The following CRYGC variants were observed in gnomAD, a reference collection of about 807,000 sequenced individuals.
CRYGC encodes the protein gamma-crystallin C.
Under a neutral mutation model 21.9 loss-of-function variants are expected in CRYGC, and 14 were observed. The observed-to-expected ratio is 0.64, with a 90% CI of 0.42 to 1.00. The LOEUF (loss-of-function observed/expected upper bound fraction) is 1.00. Among genes scored for constraint, CRYGC ranks in the 50% least tolerant of loss-of-function variants. The pLI is 0.00. For synonymous variants in CRYGC, 96 were observed against 89.8 expected (o/e 1.07, Z -0.39); for missense variants, 235 against 234.2 (o/e 1.00, Z -0.02).
intron 1 of CRYGC, 21 bp from the exon 2 acceptor site, chr2:208,129,704 C>T (rs151203716): frequency 6.9e-5 from 111 of 1,614,174 alleles, no homozygotes; most frequent in East Asian, 3.6e-4. Context: ...AGAATCGTTC[C>T]GAATTACATT....
In CRYGC at chr2:208,129,433, A is replaced by G. The variant is rs1291433833; in HGVS notation, c.252+8T>C. On this transcript the variant is annotated splice_region_variant and intron_variant, in intron 2 of 2. Coordinates refer to ENST00000282141, the MANE Select transcript of CRYGC (RefSeq NM_020989.4). ...TCTGGCGGCATGATGGAAATCTAGA[A>G]AACTCACTTGGGGGATGAGACAACA... is the stretch of plus-strand genomic sequence containing the variant. 5 of 1,612,400 alleles carry G rather than the reference A, an allele frequency of 3.1e-6. No individual in the cohort carries two copies. Among genetic ancestry groups the G allele is most frequent in the Middle Eastern group, 4.1e-4 (2 of 4,932 alleles).
At chr2:208,129,073 C>A (rs1695048113) in intron 2 of CRYGC, among the ~76,000 whole-genome samples, 1 of 152,222 alleles carries the variant, frequency 6.6e-6, no homozygotes, top group Non-Finnish European at 1.5e-5. Context: ...TGGAATCTAT[C>A]TAATTCATTC....
chr2:208,129,251 G>T (rs1695052183), intron 2 of CRYGC, among the ~76,000 whole-genome samples, 190 bp downstream of exon 2: 1 of 152,160 alleles, frequency 6.6e-6, no homozygotes, highest in African/African-American at 2.4e-5. Flanking sequence ...AAGTAAAACG[G>T]ATTCTTCCTC....
At chr2:208,128,562 G>T (rs2105858252) in intron 2 of CRYGC, 87 bp from the exon 3 acceptor site, 1 of 1,495,744 alleles carries the variant, frequency 6.7e-7, no homozygotes, top group South Asian at 1.2e-5. Flanking sequence ...GAACTTGGTA[G>T]GTTGTGGCAT....
Position 208,128,259 on chromosome 2 carries a change from A to C in CRYGC, c.469T>G (p.Trp157Gly). 6.2e-7 allele frequency: 1 copy of C among 1,614,196 alleles called. No homozygotes were observed. Reference sequence around the variant, plus strand: ...CCTGCCTTAGCATCCATGGCCCCCCAGTCCTGGCACCGCCTGTACTCTTGG... The same window carrying C: ...CCTGCCTTAGCATCCATGGCCCCCCCGTCCTGGCACCGCCTGTACTCTTGG... ...RPQEYRRCQD[W>G]GAMDAKAGSL... The change falls in exon 3 of 3, where the codon TGG becomes GGG. Residue 157 changes from tryptophan to glycine, a missense_variant. Coordinates refer to ENST00000282141, the MANE Select transcript of CRYGC (RefSeq NM_020989.4).
chr2:208,128,429 C>G lies in CRYGC; in HGVS notation c.299G>C (p.Gly100Ala). 6.2e-7 allele frequency: 1 copy of G among 1,614,192 alleles called. No individual in the cohort carries two copies. Among genetic ancestry groups the G allele is most frequent in the Non-Finnish European group, 8.5e-7 (1 of 1,180,044 alleles). ...GTCTTCACTCAGCTCCATCATGAGGCCTTTGTGGTCTTCCCTCTCGTACAG... is the reference window on the plus strand; with the variant it reads ...GTCTTCACTCAGCTCCATCATGAGGGCTTTGTGGTCTTCCCTCTCGTACAG... ...LRLYEREDHK[G>A]LMMELSEDCP... is the part of the protein sequence containing the mutation. The change falls in exon 3 of 3, where the codon GGC (glycine) becomes GCC (alanine). Residue 100 changes from glycine to alanine, a missense_variant. Gly to Ala is a moderately conservative substitution (Grantham distance 60). Coordinates refer to ENST00000282141, the MANE Select transcript of CRYGC (RefSeq NM_020989.4).
rs1436990199 is a variant in CRYGC, at chr2:208,128,237, G to A, written c.491C>T (p.Ala164Val). The A allele has an allele frequency of 3.7e-6, 6 of 1,614,122 alleles. No individual in the cohort carries two copies. The highest frequency in any genetic ancestry group is 5.1e-6 in the Non-Finnish European group (6 of 1,180,054). ...ATCCACCACTCTCCGCAAAGAGCCTGCCTTAGCATCCATGGCCCCCCAGTC... is the reference window on the plus strand; with the variant it reads ...ATCCACCACTCTCCGCAAAGAGCCTACCTTAGCATCCATGGCCCCCCAGTC... Reference protein sequence around the residue: ...CQDWGAMDAKAGSLRRVVDLY With the variant: ...CQDWGAMDAKVGSLRRVVDLY The change falls in exon 3 of 3, where the codon GCA becomes GTA. Residue 164 changes from alanine to valine, a missense_variant. Transcript: ENST00000282141.
At chr2:208,128,524 C>A (rs747584196) in intron 2 of CRYGC, 49 bp from the exon 3 acceptor site, 1 of 1,610,534 alleles carries the variant, frequency 6.2e-7, no homozygotes, top group Non-Finnish European at 8.5e-7. Context: ...TGAGTCTCTT[C>A]CAGAATTTGT....
Position 208,128,435 on chromosome 2 carries a change from T to C in CRYGC, c.293A>G (p.His98Arg). The C allele has an allele frequency of 1.2e-6, 2 of 1,614,210 alleles. No individual in the cohort carries two copies. The highest frequency in any genetic ancestry group is 1.7e-6 in the Non-Finnish European group (2 of 1,180,038). ...HRLRLYERED[H>R]KGLMMELSED... The stretch of plus-strand genomic sequence containing the variant: ...ACTCAGCTCCATCATGAGGCCTTTG[T>C]GGTCTTCCCTCTCGTACAGCCGCAG... The change falls in exon 3 of 3, where the codon CAC (histidine) becomes CGC (arginine). Residue 98 changes from histidine (H) to arginine (R), a missense_variant. His to Arg is a conservative substitution (Grantham distance 29). Transcript: ENST00000282141.
chr2:208,129,483 C>T lies in CRYGC; in HGVS notation c.210G>A (p.Met70Ile), dbSNP rs1450078998. The T allele has an allele frequency of 6.2e-7, 1 of 1,613,950 alleles. No individual in the cohort carries two copies. The highest frequency in any genetic ancestry group is 2.2e-5 in the East Asian group (1 of 44,880). The change falls in exon 2 of 3, where the codon ATG becomes ATA. Residue 70 changes from methionine to isoleucine, a missense_variant. Coordinates refer to ENST00000282141, the MANE Select transcript of CRYGC (RefSeq NM_020989.4). Reference protein sequence around the residue: ...RGEYPDYQQWMGLSDSIRSCC... With the variant: ...RGEYPDYQQWIGLSDSIRSCC... ...AGGAGCGGATGGAGTCGCTGAGGCC[C>T]ATCCATTGCTGGTAGTCGGGGTACT... is the stretch of plus-strand genomic sequence containing the variant.
At chr2:208,129,277 T>G (rs1393736671) in intron 2 of CRYGC, among the ~76,000 whole-genome samples, 164 bp downstream of exon 2, 1 of 152,244 alleles carries the variant, frequency 6.6e-6, no homozygotes, top group Non-Finnish European at 1.5e-5. Flanking sequence ...GGGTTCTTCC[T>G]TACATTCTCT....
intron 2 of CRYGC, 91 bp from the exon 3 acceptor site, chr2:208,128,566 G>A: frequency 1.4e-6 from 2 of 1,465,088 alleles, no homozygotes; most frequent in Non-Finnish European, 1.9e-6. Context: ...TTGGTAGGTT[G>A]TGGCATGGAA....
At position 208,129,517 on chromosome 2, in the gene CRYGC, C is replaced by T. The variant is rs149880539; in HGVS notation, c.176G>A (p.Arg59Gln). Residue 59 changes from arginine (R) to glutamine (Q), a missense_variant, in exon 2 of 3, where the codon CGG (arginine) becomes CAG (glutamine). Transcript: ENST00000282141. ...PNYQGQQYLL[R>Q]RGEYPDYQQW... ...CTGGTAGTCGGGGTACTCCCCTCGC[C>T]GCAGCAAGTATTGTTGACCTTGGTA... 110 of 1,614,192 alleles carry T rather than the reference C, an allele frequency of 6.8e-5. No homozygotes were observed. The highest frequency in any genetic ancestry group is 3.5e-4 in the South Asian group (32 of 91,090).
intron 2 of CRYGC, among the ~76,000 whole-genome samples, chr2:208,128,989 C>T (rs1348199905): frequency 1.3e-5 from 2 of 152,134 alleles, no homozygotes; most frequent in African/African-American, 4.8e-5. Context: ...GAAAAATTAC[C>T]TTTTCCAAAG....
chr2:208,129,132 C>T (rs1184094773), intron 2 of CRYGC, among the ~76,000 whole-genome samples: 1 of 152,188 alleles, frequency 6.6e-6, no homozygotes, highest in Non-Finnish European at 1.5e-5. Flanking sequence ...AAAATACCGT[C>T]TTTTTATGCC....
At position 208,129,427 on chromosome 2, in the gene CRYGC, T is replaced by C. The variant is rs764296943; in HGVS notation, c.252+14A>G. On this transcript the variant is annotated intron_variant, in intron 2 of 2. Coordinates refer to ENST00000282141, the MANE Select transcript of CRYGC (RefSeq NM_020989.4). Reference sequence around the variant, plus strand: ...GGGGACTCTGGCGGCATGATGGAAATCTAGAAAACTCACTTGGGGGATGAG... The same window carrying C: ...GGGGACTCTGGCGGCATGATGGAAACCTAGAAAACTCACTTGGGGGATGAG... The C allele has an allele frequency of 2.9e-5, 46 of 1,611,956 alleles. No homozygotes were observed. In the East Asian group the frequency reaches 1.0e-3, roughly 36 times the overall value.
At chr2:208,129,034 T>C (rs1695046875) in intron 2 of CRYGC, among the ~76,000 whole-genome samples, 1 of 151,790 alleles carries the variant, frequency 6.6e-6, no homozygotes, top group African/African-American at 2.4e-5. Context: ...ATATTAACAA[T>C]ACAGCTTTGA....
Position 208,129,484 on chromosome 2 carries a change from A to C in CRYGC, c.209T>G (p.Met70Arg). Reference protein sequence around the residue: ...RGEYPDYQQWMGLSDSIRSCC... With the variant: ...RGEYPDYQQWRGLSDSIRSCC... ...GGAGCGGATGGAGTCGCTGAGGCCC[A>C]TCCATTGCTGGTAGTCGGGGTACTC... Residue 70 changes from methionine (M) to arginine (R), a missense_variant, in exon 2 of 3, where the codon ATG becomes AGG. By Grantham distance (91) the Met-to-Arg change is moderately conservative. Coordinates refer to ENST00000282141, the MANE Select transcript of CRYGC (RefSeq NM_020989.4). 3 of 1,613,976 alleles carry C rather than the reference A, an allele frequency of 1.9e-6. No homozygotes were observed. The highest frequency in any genetic ancestry group is 1.7e-5 in the Admixed American group (1 of 60,026).
Position 208,128,569 on chromosome 2 carries a change from G to A in CRYGC, c.253-94C>T, listed in dbSNP as rs923950894. The A allele has an allele frequency of 3.5e-6, 5 of 1,427,116 alleles. No individual in the cohort carries two copies. The African/African-American group carries it at 5.6e-5, about 16-fold the overall frequency. 88.4% of individuals were successfully genotyped at this position (1,427,116 alleles called of 1,614,324 possible). A position where few individuals can be genotyped will look rare whatever the true frequency, so the allele number is the denominator to read the frequency against. On this transcript the variant is annotated intron_variant, in intron 2 of 2. Coordinates refer to ENST00000282141, the MANE Select transcript of CRYGC (RefSeq NM_020989.4). Reference sequence around the variant, plus strand: ...GAACAGATGAACTTGGTAGGTTGTGGCATGGAATTGTCATTGTAAAATTTA... The same window carrying A: ...GAACAGATGAACTTGGTAGGTTGTGACATGGAATTGTCATTGTAAAATTTA...
Sources: allele counts gnomAD v4.1 joint callset (sites outside exome capture counted in the v4.1 genomes callset), GRCh38; gene constraint gnomAD v4.1.1; transcripts MANE v1.5; gene names NCBI Gene and HGNC (gene_info 2026-07-23, HGNC 2026-07-21).